Variants in PTPRR observed in about 807,000 individuals in gnomAD.
PTPRR encodes the protein protein tyrosine phosphatase receptor type R.
PTPRR carries 38 observed loss-of-function variants against 77.2 expected under a neutral mutation model. The observed-to-expected ratio is 0.49, with a 90% CI of 0.38 to 0.65. The LOEUF is 0.65. Ranked by LOEUF, PTPRR falls within the 30% of genes least tolerant of loss-of-function variation. The pLI is 0.00. For missense variants in PTPRR, 744 were observed against 799.2 expected, an observed-to-expected ratio of 0.93 and a Z score of 0.83; for synonymous variants, 299 against 283.1, an observed-to-expected ratio of 1.06 and a Z score of -0.57.
rs1401369801 is a variant in PTPRR at position 70,789,384 on chromosome 12, A to C, written c.358-24606T>G. 2.6e-5 allele frequency among the ~76,000 whole-genome samples: 4 copies of C among 152,100 alleles called. No individual in the cohort carries two copies. The East Asian group carries it at 7.7e-4, about 29-fold the overall frequency. ...TTACTTGGTGCTAGGGTCTTTATAGATATCTTATTTTAGCAGTCAGCATGA... is the reference window on the plus strand; with the variant it reads ...TTACTTGGTGCTAGGGTCTTTATAGCTATCTTATTTTAGCAGTCAGCATGA... On this transcript the variant is annotated intron_variant, in intron 2 of 13. Coordinates refer to ENST00000283228, the MANE Select transcript of PTPRR (RefSeq NM_002849.4).
chr12:70,691,390 C>T (rs1472751113), intron 8 of PTPRR, among the ~76,000 whole-genome samples: 1 of 152,098 alleles, frequency 6.6e-6, no homozygotes. Context: ...GGCCTCTTTC[C>T]AATCTCCTGC....
chr12:70,698,716 TA>T (rs1370395817), intron 7 of PTPRR, among the ~76,000 whole-genome samples: 1 of 152,212 alleles, frequency 6.6e-6, no homozygotes, highest in African/African-American at 2.4e-5. Flanking sequence ...AGTTTTTACA[TA>T]ACTTTAGTAC....
chr12:70,851,220 G>T (rs1161632171), intron 2 of PTPRR, among the ~76,000 whole-genome samples: 1 of 152,104 alleles, frequency 6.6e-6, no homozygotes, highest in East Asian at 1.9e-4. Context: ...TCAGAGATAG[G>T]TCTCTTAAAT....
intron 2 of PTPRR, among the ~76,000 whole-genome samples, chr12:70,803,798 T>C (rs1449338446): frequency 1.3e-5 from 2 of 152,168 alleles, no homozygotes; most frequent in Non-Finnish European, 2.9e-5. Context: ...GGAAACAGAA[T>C]TGAAAATTAT....
intron 1 of PTPRR, among the ~76,000 whole-genome samples, chr12:70,905,529 C>T (rs1893608174): frequency 6.6e-6 from 1 of 151,750 alleles, no homozygotes; most frequent in African/African-American, 2.4e-5. Flanking sequence ...ATGAAAATAA[C>T]CAGTGAGATT....
intron 6 of PTPRR, among the ~76,000 whole-genome samples, chr12:70,732,595 C>G (rs542264960): frequency 1.1e-3 from 165 of 152,264 alleles, no homozygotes; most frequent in Non-Finnish European, 1.7e-3. Context: ...GAGTCTTGCT[C>G]TGTTGCCCAG....
chr12:70,641,032 A>G (rs1249778846), intron 13 of PTPRR, among the ~76,000 whole-genome samples: 1 of 152,234 alleles, frequency 6.6e-6, no homozygotes, highest in South Asian at 2.1e-4. Context: ...AGAAGTGAAC[A>G]ACAGAAATGG....
chr12:70,861,041 T>C (rs897816519), intron 2 of PTPRR, among the ~76,000 whole-genome samples: 1 of 152,174 alleles, frequency 6.6e-6, no homozygotes, highest in Non-Finnish European at 1.5e-5. Flanking sequence ...TTTTTGTTTG[T>C]GTTGAATTCC....
intron 5 of PTPRR, among the ~76,000 whole-genome samples, chr12:70,750,385 A>G (rs566375531): frequency 5.3e-5 from 8 of 152,332 alleles, no homozygotes; most frequent in African/African-American, 1.9e-4. Context: ...ATTCTGAGTT[A>G]TATCTTTCCT....
intron 10 of PTPRR, chr12:70,672,543 A>AGC (rs1346442330): frequency 2.7e-5 from 36 of 1,324,220 alleles, no homozygotes; most frequent in Non-Finnish European, 3.8e-5. Flanking sequence ...TGCTGGGAAA[A>AGC]ACCTTCAACA....
At chr12:70,767,029 A>G (rs1188891078) in intron 2 of PTPRR, among the ~76,000 whole-genome samples, 3 of 152,234 alleles carry the variant, frequency 2.0e-5, no homozygotes, top group Non-Finnish European at 4.4e-5. Context: ...AAACATGGAA[A>G]GGAACAACCG....
chr12:70,729,044 CAGCTGTAG>C (rs1889557857), intron 6 of PTPRR, among the ~76,000 whole-genome samples: 1 of 152,138 alleles, frequency 6.6e-6, no homozygotes. Flanking sequence ...GGCTCTGCAA[CAGCTGTAG>C]AGTTATGGGA....
At chr12:70,839,145 T>C (rs1892352980) in intron 2 of PTPRR, among the ~76,000 whole-genome samples, 1 of 152,120 alleles carries the variant, frequency 6.6e-6, no homozygotes, top group African/African-American at 2.4e-5. Context: ...GGTTATTCCC[T>C]AAAACATAAT....
At chr12:70,828,963 G>A (rs1162700900) in intron 2 of PTPRR, among the ~76,000 whole-genome samples, 1 of 152,120 alleles carries the variant, frequency 6.6e-6, no homozygotes, top group Non-Finnish European at 1.5e-5. Flanking sequence ...AGGTGCCGGG[G>A]ATACAAAGTC....
Position 70,725,107 on chromosome 12 carries a change from T to C in PTPRR, c.1007+20711A>G, listed in dbSNP as rs1889389393. ...CCGGTATGAGAAGGGCATCTTATAT[T>C]ATATCCTCCTATTATAAAATAAGCA... On this transcript the variant is annotated intron_variant, in intron 6 of 13. Transcript: ENST00000283228. 2.0e-5 allele frequency among the ~76,000 whole-genome samples: 3 copies of C among 152,112 alleles called. No individual in the cohort carries two copies. In the South Asian group the frequency reaches 6.2e-4, roughly 32 times the overall value.
At chr12:70,723,925 C>T (rs762754249) in intron 6 of PTPRR, among the ~76,000 whole-genome samples, 4 of 152,000 alleles carry the variant, frequency 2.6e-5, no homozygotes, top group African/African-American at 4.8e-5. Context: ...AGGAGCATGG[C>T]AATTTGCTCT....
At chr12:70,726,258 G>T (rs1376190315) in intron 6 of PTPRR, among the ~76,000 whole-genome samples, 1 of 151,888 alleles carries the variant, frequency 6.6e-6, no homozygotes, top group Admixed American at 6.6e-5. Context: ...AGTTTTTAGG[G>T]CAAAATCAGG....
chr12:70,749,830 A>G (rs1890332218), intron 5 of PTPRR, among the ~76,000 whole-genome samples: 1 of 152,210 alleles, frequency 6.6e-6, no homozygotes. Context: ...TCCAGAAGCA[A>G]TCTGGCCTGT....
At position 70,892,826 on chromosome 12, in the gene PTPRR, G is replaced by C. The variant is rs149684669; in HGVS notation, c.210C>G (p.Ser70=). ...KIYRHSYHSS[S]EAQVSKRHQI... ...GGTGGCGTTTGCTTACTTGAGCTTC[G>C]GAAGAGGAATGGTAGCTATGTCTGT... The change falls in exon 2 of 14, where the codon TCC becomes TCG. Residue 70 remains serine (S), a synonymous_variant. Coordinates refer to ENST00000283228, the MANE Select transcript of PTPRR (RefSeq NM_002849.4). 6.2e-7 allele frequency: 1 copy of C among 1,613,462 alleles called. No individual in the cohort carries two copies. Among genetic ancestry groups the C allele is most frequent in the South Asian group, 1.1e-5 (1 of 91,074 alleles).
Sources: gnomAD v4.1 joint callset for allele counts (sites outside exome capture counted in the v4.1 genomes callset) on GRCh38, gnomAD v4.1.1 for gene constraint, MANE v1.5 for transcripts, NCBI Gene and HGNC (gene_info 2026-07-23, HGNC 2026-07-21) for gene names.